RAD51B: variants seen among roughly 807,000 people sequenced by gnomAD.
RAD51B encodes the protein DNA repair protein RAD51 homolog 2.
RAD51B carries 38 observed loss-of-function variants against 42.2 expected under a neutral mutation model. The observed-to-expected ratio is 0.90, with a 90% CI of 0.70 to 1.18. The LOEUF is 1.18. Among genes scored for constraint, RAD51B ranks in the 50% most tolerant of loss-of-function variants. The pLI is 0.00. For synonymous variants in RAD51B, 154 were observed against 145.2 expected (o/e 1.06, Z -0.43); for missense variants, 373 against 400.7 (o/e 0.93, Z 0.59).
intron 7 of RAD51B, among the ~76,000 whole-genome samples, chr14:68,075,887 G>A (rs913216306): frequency 2.0e-5 from 3 of 152,252 alleles, no homozygotes; most frequent in South Asian, 4.1e-4. Flanking sequence ...AGCAATAAGG[G>A]CAGTCCTGCT....
intron 10 of RAD51B, among the ~76,000 whole-genome samples, chr14:68,546,492 TGAGACAAC>T (rs1888242062): frequency 6.6e-6 from 1 of 152,164 alleles, no homozygotes; most frequent in East Asian, 1.9e-4. Flanking sequence ...ATGTATGATT[TGAGACAAC>T]CATAGAATGT....
At chr14:68,353,144 A>G (rs752822812) in intron 8 of RAD51B, among the ~76,000 whole-genome samples, 9 of 152,120 alleles carry the variant, frequency 5.9e-5, no homozygotes, top group Non-Finnish European at 1.2e-4. Flanking sequence ...TGCTTTCCTC[A>G]CACCCAGGAG....
intron 7 of RAD51B, among the ~76,000 whole-genome samples, chr14:68,237,041 C>T (rs1423599814): frequency 2.0e-5 from 3 of 152,204 alleles, no homozygotes; most frequent in African/African-American, 4.8e-5. Context: ...TGCCTTTATT[C>T]ACCTGCTATT....
intron 11 of RAD51B, among the ~76,000 whole-genome samples, chr14:68,669,570 G>A (rs756937253): frequency 1.6e-4 from 24 of 151,746 alleles, no homozygotes; most frequent in Non-Finnish European, 2.1e-4. Flanking sequence ...TCTTTATTCC[G>A]TGCTTGTCAA....
chr14:68,139,726 T>C (rs1481937585), intron 7 of RAD51B, among the ~76,000 whole-genome samples: 3 of 152,234 alleles, frequency 2.0e-5, no homozygotes, highest in African/African-American at 7.2e-5. Flanking sequence ...GAGTTAATAT[T>C]GGTAAAACAC....
chr14:68,547,419 G>T (rs1334511966), intron 10 of RAD51B, among the ~76,000 whole-genome samples: 2 of 152,254 alleles, frequency 1.3e-5, no homozygotes, highest in East Asian at 3.9e-4. Context: ...TGAACATTTT[G>T]GGGAAATGAA....
chr14:67,992,872 C>T (rs2075318467), intron 7 of RAD51B, among the ~76,000 whole-genome samples: 3 of 152,012 alleles, frequency 2.0e-5, no homozygotes, highest in Admixed American at 2.0e-4. Context: ...TGTGCAGATA[C>T]ATCAGAGTAA....
intron 11 of RAD51B, among the ~76,000 whole-genome samples, chr14:68,678,289 C>G (rs1477971951): frequency 1.3e-5 from 2 of 152,124 alleles, no homozygotes; most frequent in Non-Finnish European, 2.9e-5. Context: ...ACACCCTTAC[C>G]TCCTCGGTTT....
chr14:68,491,541 C>T (rs1328832617), intron 10 of RAD51B, among the ~76,000 whole-genome samples: 1 of 152,150 alleles, frequency 6.6e-6, no homozygotes, highest in Non-Finnish European at 1.5e-5. Flanking sequence ...AAACAATCCT[C>T]AAGGATGCAT....
chr14:67,886,633 C>T (rs954554760), intron 6 of RAD51B: 1 of 232,910 alleles, frequency 4.3e-6, no homozygotes, highest in Admixed American at 5.5e-5. Context: ...AAATAAGGTA[C>T]CATGATCTTG....
intron 10 of RAD51B, among the ~76,000 whole-genome samples, chr14:68,518,070 G>A (rs142134661): frequency 6.6e-6 from 1 of 152,298 alleles, no homozygotes; most frequent in Non-Finnish European, 1.5e-5. Flanking sequence ...GGCAGTACCT[G>A]CAGTGTGGGA....
intron 11 of RAD51B, among the ~76,000 whole-genome samples, chr14:68,670,407 T>G (rs536437518): frequency 6.6e-6 from 1 of 152,332 alleles, no homozygotes; most frequent in South Asian, 2.1e-4. Context: ...TAAGTCTTTC[T>G]TTATGGGCAT....
intron 7 of RAD51B, among the ~76,000 whole-genome samples, chr14:67,969,432 C>T (rs1319965024): frequency 6.6e-6 from 1 of 152,128 alleles, no homozygotes; most frequent in East Asian, 1.9e-4. Flanking sequence ...TAAATGTAAC[C>T]AGGACTCTTT....
At chr14:68,308,975 G>A (rs2081920621) in intron 8 of RAD51B, among the ~76,000 whole-genome samples, 1 of 152,116 alleles carries the variant, frequency 6.6e-6, no homozygotes, top group African/African-American at 2.4e-5. Flanking sequence ...ACAAAACAGA[G>A]GGAAAAATCC....
chr14:68,018,123 G>A (rs986872001), intron 7 of RAD51B, among the ~76,000 whole-genome samples: 2 of 152,124 alleles, frequency 1.3e-5, no homozygotes, highest in African/African-American at 2.4e-5. Context: ...TCCCACATTC[G>A]TGTCTAAGCT....
At chr14:68,589,976 T>C (rs1890667199) in intron 10 of RAD51B, among the ~76,000 whole-genome samples, 1 of 152,020 alleles carries the variant, frequency 6.6e-6, no homozygotes, top group South Asian at 2.1e-4. Flanking sequence ...GTACCCATGG[T>C]GTGTATTTCT....
At chr14:68,100,790 C>T (rs1465167407) in intron 7 of RAD51B, among the ~76,000 whole-genome samples, 2 of 152,022 alleles carry the variant, frequency 1.3e-5, no homozygotes. Flanking sequence ...AAAGTGAAGC[C>T]CAAAAGTGTT....
chr14:68,462,806 A>G (rs2085878451), intron 9 of RAD51B, among the ~76,000 whole-genome samples: 1 of 152,242 alleles, frequency 6.6e-6, no homozygotes, highest in African/African-American at 2.4e-5. Context: ...TCAAGAAGAA[A>G]CAATTTGGCT....
intron 7 of RAD51B, among the ~76,000 whole-genome samples, chr14:67,998,092 A>G (rs75620647): frequency 0.01 from 1,577 of 152,322 alleles, 27 homozygotes; most frequent in African/African-American, 0.036. Context: ...GACCAACAGT[A>G]TCAATGTCAC....
Sources: allele counts gnomAD v4.1 joint callset (sites outside exome capture counted in the v4.1 genomes callset), GRCh38; gene constraint gnomAD v4.1.1; transcripts MANE v1.5; gene names NCBI Gene and HGNC (gene_info 2026-07-23, HGNC 2026-07-21).